ATP13A3: variants seen among roughly 807,000 people sequenced by gnomAD.
ATP13A3 encodes the protein polyamine-transporting ATPase 13A3.
In ATP13A3, 59 loss-of-function variants were observed where a neutral mutation model predicts 158.1. The ratio of observed to expected loss-of-function variants is 0.37; its 90% CI spans 0.30 to 0.46. ATP13A3 has a LOEUF of 0.46. Ranked by LOEUF, ATP13A3 falls within the 20% of genes least tolerant of loss-of-function variation. The pLI is 1.00. For synonymous variants in ATP13A3, 491 were observed against 504.3 expected (o/e 0.97, Z 0.35); for missense variants, 1,166 against 1,525.2 (o/e 0.76, Z 3.92).
At chr3:194,472,403 A>G (rs1043855132) in intron 2 of ATP13A3, among the ~76,000 whole-genome samples, 1 of 152,194 alleles carries the variant, frequency 6.6e-6, no homozygotes, top group Non-Finnish European at 1.5e-5. Context: ...AATTTCTACA[A>G]TAAGTATCAA....
chr3:194,483,156 C>T (rs1720822666), intron 2 of ATP13A3, among the ~76,000 whole-genome samples: 1 of 150,930 alleles, frequency 6.6e-6, no homozygotes, highest in African/African-American at 2.4e-5. Context: ...TGATGGCACA[C>T]ACCCGTTGTC....
Position 194,402,922 on chromosome 3 carries a change from T to C in ATP13A3, c.*2997A>G, listed in dbSNP as rs1336726282. 2.0e-5 allele frequency: 3 copies of C among 152,230 alleles called. No homozygotes were observed. Among genetic ancestry groups the C allele is most frequent in the South Asian group, 2.1e-4 (1 of 4,834 alleles). The allele number at this position is 152,230 out of a possible 1,614,324, so 9.4% of individuals were successfully genotyped here. A position where few individuals can be genotyped will look rare whatever the true frequency, so the allele number is the denominator to read the frequency against. ...CTAGAAGTAACTTTTATTAATTTAA[T>C]GTACACATAATTACCAAATTTTAAT... On this transcript the variant is annotated 3_prime_UTR_variant, in exon 34 of 34. Coordinates refer to ENST00000645319, the MANE Select transcript of ATP13A3 (RefSeq NM_001367549.1).
At chr3:194,483,903 G>A (rs1335308033) in intron 2 of ATP13A3, among the ~76,000 whole-genome samples, 2 of 152,228 alleles carry the variant, frequency 1.3e-5, no homozygotes, top group East Asian at 3.8e-4. Context: ...AGAGAAGGGA[G>A]AAAAGGATGA....
At position 194,427,265 on chromosome 3, in the gene ATP13A3, G is replaced by GA; in HGVS notation, c.2948-14dup. 3 of 1,576,162 alleles carry GA rather than the reference G, an allele frequency of 1.9e-6. No homozygotes were observed. The highest frequency in any genetic ancestry group is 2.6e-6 in the Non-Finnish European group (3 of 1,166,704). On this transcript the variant is annotated splice_polypyrimidine_tract_variant and intron_variant, in intron 28 of 33. Coordinates refer to ENST00000645319, the MANE Select transcript of ATP13A3 (RefSeq NM_001367549.1). Reference sequence around the variant, plus strand: ...GGATTTAAACTCACTATATTGAAAAGAAAAAGAGGAAAGGTTTGTATTTAC... The same window carrying GA: ...GGATTTAAACTCACTATATTGAAAAGAAAAAAGAGGAAAGGTTTGTATTTAC...
intron 33 of ATP13A3, among the ~76,000 whole-genome samples, 182 bp downstream of exon 33, chr3:194,412,016 TA>T (rs1023345668): frequency 2.0e-5 from 3 of 152,174 alleles, no homozygotes; most frequent in African/African-American, 7.2e-5. Context: ...ATGAATTTTC[TA>T]GGACTTCTTA....
At chr3:194,409,779 C>T (rs1231376245) in intron 33 of ATP13A3, among the ~76,000 whole-genome samples, 1 of 144,176 alleles carries the variant, frequency 6.9e-6, no homozygotes, top group Admixed American at 7.0e-5. Flanking sequence ...AAAATGCCTC[C>T]AGACAATGCC....
At position 194,459,811 on chromosome 3, in the gene ATP13A3, T is replaced by C; in HGVS notation, c.386A>G (p.Tyr129Cys). Residue 129 changes from tyrosine (Y) to cysteine (C), a missense_variant, in exon 5 of 34, where the codon TAT (tyrosine) becomes TGT (cysteine). This residue lies in a region of ATP13A3 where 104 missense variants were observed against 91.7 expected (regional missense o/e 1.13). Transcript: ENST00000645319. ...TEENRHRISK[Y>C]SQTESQQIRY... ...TACCTGTTGTGATTCAGTCTGTGAA[T>C]ATTTACTGATCCTGTGCCTATTTTC... The C allele has an allele frequency of 6.2e-7, 1 of 1,611,956 alleles. No individual in the cohort carries two copies. Among genetic ancestry groups the C allele is most frequent in the Middle Eastern group, 1.7e-4 (1 of 6,046 alleles).
chr3:194,439,259 T>G (rs1717877142), intron 16 of ATP13A3, among the ~76,000 whole-genome samples: 1 of 152,216 alleles, frequency 6.6e-6, no homozygotes, highest in Non-Finnish European at 1.5e-5. Flanking sequence ...CACTTCACTC[T>G]TACAACTTGT....
In ATP13A3 at chr3:194,450,199, A is replaced by T. The variant is rs1718707270; in HGVS notation, c.916T>A (p.Cys306Ser). The change falls in exon 11 of 34, where the codon TGT (cysteine) becomes AGT (serine). Residue 306 changes from cysteine to serine, a missense_variant. Physicochemically the swap from Cys to Ser is moderately radical, Grantham distance 112. Transcript: ENST00000645319. ...GTACCATTAATAAGCACAGCATCAC[A>T]AGGCATTATTGTCCCATTTAATGGA... ...VIPLNGTIMP[C>S]DAVLINGTCI... 6.2e-7 allele frequency: 1 copy of T among 1,613,820 alleles called. No individual in the cohort carries two copies. Among genetic ancestry groups the T allele is most frequent in the African/African-American group, 1.3e-5 (1 of 74,918 alleles).
rs1468597850 is a variant in ATP13A3 at position 194,427,124 on chromosome 3, A to G, written c.3076T>C (p.Phe1026Leu). The part of the protein sequence containing the change: ...ICIGFQSLGF[F>L]WVKQQPWYEV... Reference sequence around the variant, plus strand: ...TACCAAGGTTGCTGTTTGACCCAAAAAAAACCCAAAGATTGAAATCCAATG... The same window carrying G: ...TACCAAGGTTGCTGTTTGACCCAAAGAAAACCCAAAGATTGAAATCCAATG... Residue 1026 changes from phenylalanine to leucine, a missense_variant, in exon 29 of 34, where the codon TTT (phenylalanine) becomes CTT (leucine). This residue lies in a region of ATP13A3 where 997 missense variants were observed against 1,341.2 expected (regional missense o/e 0.74). Transcript: ENST00000645319. 6.2e-7 allele frequency: 1 copy of G among 1,613,748 alleles called. No individual in the cohort carries two copies. The highest frequency in any genetic ancestry group is 8.5e-7 in the Non-Finnish European group (1 of 1,179,988).
chr3:194,462,149 T>G lies in ATP13A3; in HGVS notation c.42A>C (p.Glu14Asp), dbSNP rs375168836. 6.2e-7 allele frequency: 1 copy of G among 1,613,894 alleles called. No individual in the cohort carries two copies. Among genetic ancestry groups the G allele is most frequent in the African/African-American group, 1.3e-5 (1 of 74,948 alleles). The stretch of plus-strand genomic sequence containing the variant: ...TAGAACAGCTGGTTACCATTTCATC[T>G]TCTTGACCCTGATTGATGGTCTTCC... ...EERKTINQGQ[E>D]DEMEIYGYNL... is the part of the protein sequence containing the mutation. Residue 14 changes from glutamate (E) to aspartate (D), a missense_variant, in exon 3 of 34, where the codon GAA becomes GAC. Coordinates refer to ENST00000645319, the MANE Select transcript of ATP13A3 (RefSeq NM_001367549.1).
intron 20 of ATP13A3, among the ~76,000 whole-genome samples, chr3:194,435,833 G>A (rs555255554): frequency 9.2e-5 from 14 of 152,184 alleles, no homozygotes; most frequent in Non-Finnish European, 2.1e-4. Flanking sequence ...CTTGAACCCG[G>A]GAGGCGGGGG....
Position 194,444,751 on chromosome 3 carries a change from C to T in ATP13A3, c.1533G>A (p.Trp511Ter). The change falls in exon 15 of 34, where the codon TGG (tryptophan) becomes TGA (stop). Residue 511 changes from tryptophan to a stop codon, truncating the protein, a stop_gained. Coordinates refer to ENST00000645319, the MANE Select transcript of ATP13A3 (RefSeq NM_001367549.1). LOFTEE classifies it high-confidence loss of function. ...GTGCATTTTCCACTCGTTGAATCCC[C>T]CAAAGATCTAAACCATCTTCAGTTA... ...GTLTEDGLDL[W>*]GIQRVENARF... 1 of 1,602,698 alleles carries T rather than the reference C, an allele frequency of 6.2e-7. No individual in the cohort carries two copies. The highest frequency in any genetic ancestry group is 8.5e-7 in the Non-Finnish European group (1 of 1,176,798).
intron 8 of ATP13A3, among the ~76,000 whole-genome samples, 181 bp from the exon 9 acceptor site, chr3:194,454,573 A>G (rs945980090): frequency 6.6e-6 from 1 of 152,210 alleles, no homozygotes; most frequent in East Asian, 1.9e-4. Context: ...TCACGCCTGT[A>G]ATCCCAGCAC....
At chr3:194,439,380 A>G (rs767597354) in intron 16 of ATP13A3, among the ~76,000 whole-genome samples, 1 of 152,248 alleles carries the variant, frequency 6.6e-6, no homozygotes, top group Non-Finnish European at 1.5e-5. Context: ...AAAAGTACAT[A>G]GAGCTCAGAT....
chr3:194,446,015 A>T (rs1674918748), intron 14 of ATP13A3, among the ~76,000 whole-genome samples: 1 of 151,982 alleles, frequency 6.6e-6, no homozygotes, highest in African/African-American at 2.4e-5. Context: ...ATATATATGT[A>T]TGGAGCCTAT....
intron 29 of ATP13A3, among the ~76,000 whole-genome samples, chr3:194,426,338 T>C (rs1351746050): frequency 6.6e-6 from 1 of 152,196 alleles, no homozygotes; most frequent in Non-Finnish European, 1.5e-5. Flanking sequence ...TTCTACAAAA[T>C]TAACACGTTT....
At chr3:194,444,912 AC>A (rs1039327723) in intron 14 of ATP13A3, 126 bp from the exon 15 acceptor site, 1 of 656,722 alleles carries the variant, frequency 1.5e-6, no homozygotes, top group Non-Finnish European at 2.5e-6. Flanking sequence ...ATGGAGTTCT[AC>A]AGAGTTAAAA....
Position 194,456,028 on chromosome 3 carries a change from TGTATTAG to T in ATP13A3, c.561-73_561-67del, listed in dbSNP as rs565908499. The stretch of plus-strand genomic sequence containing the variant: ...TAATAGTATAATTTACGAAAGGCAT[TGTATTAG>T]GTAAGGCTTAAACCACAGACTGTTC... On this transcript the variant is annotated intron_variant, in intron 7 of 33. Transcript: ENST00000645319. 3.5e-4 allele frequency: 348 copies of T among 1,004,732 alleles called. 2 individuals are homozygous for T. Among genetic ancestry groups the T allele is most frequent in the Middle Eastern group, 2.2e-3 (10 of 4,574 alleles). 62.2% of individuals were successfully genotyped at this position (1,004,732 alleles called of 1,614,324 possible).
Sources: allele counts gnomAD v4.1 joint callset (sites outside exome capture counted in the v4.1 genomes callset), GRCh38; gene constraint gnomAD v4.1.1; regional missense constraint gnomAD v4.1.1; transcripts MANE v1.5; gene names NCBI Gene and HGNC (gene_info 2026-07-23, HGNC 2026-07-21).